The following ILRUN variants were observed in gnomAD, a reference collection of about 807,000 sequenced individuals.
ILRUN encodes inflammation and lipid regulator with UBA-like and NBR1-like domains.
Under a neutral mutation model 33.8 loss-of-function variants are expected in ILRUN, and 3 were observed. The ratio of observed to expected loss-of-function variants is 0.09; its 90% CI spans 0.04 to 0.23. The LOEUF (loss-of-function observed/expected upper bound fraction) is 0.23, where lower values mean the gene tolerates loss of function less well. Among genes scored for constraint, ILRUN ranks in the 10% least tolerant of loss-of-function variants. The probability of loss-of-function intolerance (pLI) is 1.00; values close to 1 mark genes in which losing one functional copy is unlikely to be tolerated. For missense variants in ILRUN, 210 were observed against 375.1 expected (o/e 0.56, Z 3.64); for synonymous variants, 124 against 138.9 (o/e 0.89, Z 0.75).
At chr6:34,676,542 A>C (rs1479850836) in intron 1 of ILRUN, among the ~76,000 whole-genome samples, 1 of 151,796 alleles carries the variant, frequency 6.6e-6, no homozygotes, top group Non-Finnish European at 1.5e-5. Context: ...TCACTTTGTC[A>C]CCTAGGCTCC....
intron 3 of ILRUN, among the ~76,000 whole-genome samples, chr6:34,628,174 C>T (rs946302026): frequency 6.6e-6 from 1 of 152,062 alleles, no homozygotes; most frequent in East Asian, 1.9e-4. Context: ...GCACACACCA[C>T]TGTGCCCCGC....
chr6:34,634,739 A>C (rs2127351101), intron 3 of ILRUN, among the ~76,000 whole-genome samples: 1 of 152,348 alleles, frequency 6.6e-6, no homozygotes, highest in South Asian at 2.1e-4. Context: ...TCAAGATGAA[A>C]TAGATTACCT....
chr6:34,608,538 T>C (rs1005143863), intron 3 of ILRUN, among the ~76,000 whole-genome samples: 4 of 152,188 alleles, frequency 2.6e-5, no homozygotes, highest in African/African-American at 9.7e-5. Flanking sequence ...AATGTGGACA[T>C]TACTAAATAC....
intron 2 of ILRUN, among the ~76,000 whole-genome samples, chr6:34,651,627 C>A (rs931956293): frequency 5.3e-5 from 8 of 151,776 alleles, no homozygotes; most frequent in Non-Finnish European, 1.5e-5. Context: ...GAAAGCCAGG[C>A]CATTTTCATT....
intron 3 of ILRUN, chr6:34,616,757 T>C: frequency 1.4e-6 from 1 of 707,536 alleles, no homozygotes; most frequent in Non-Finnish European, 2.5e-6. Context: ...TAGCAACTTC[T>C]ATGTACCTGC....
At chr6:34,652,196 T>A (rs1762684912) in intron 2 of ILRUN, among the ~76,000 whole-genome samples, 1 of 152,164 alleles carries the variant, frequency 6.6e-6, no homozygotes, top group Non-Finnish European at 1.5e-5. Context: ...GATATTTTTT[T>A]AAAAGCAGGC....
chr6:34,636,557 T>C (rs1307760098), intron 3 of ILRUN, among the ~76,000 whole-genome samples: 1 of 152,172 alleles, frequency 6.6e-6, no homozygotes, highest in Non-Finnish European at 1.5e-5. Context: ...TAGGAGATTA[T>C]CCTCTTCAAA....
chr6:34,600,526 T>G (rs1187063591), intron 4 of ILRUN, among the ~76,000 whole-genome samples: 2 of 152,188 alleles, frequency 1.3e-5, no homozygotes, highest in African/African-American at 4.8e-5. Context: ...CCCCAGAGAC[T>G]GTATCTTGTG....
chr6:34,651,403 T>C (rs1762665259), intron 2 of ILRUN, among the ~76,000 whole-genome samples: 2 of 152,012 alleles, frequency 1.3e-5, no homozygotes, highest in African/African-American at 4.8e-5. Flanking sequence ...TAAGTCAACA[T>C]GAAAGGTAGG....
chr6:34,643,737 C>G (rs552901315), intron 3 of ILRUN, among the ~76,000 whole-genome samples: 1 of 152,354 alleles, frequency 6.6e-6, no homozygotes, highest in African/African-American at 2.4e-5. Flanking sequence ...AGCCTTCACT[C>G]TGTTGCCCAG....
chr6:34,653,742 G>GT (rs1231737603), intron 2 of ILRUN, among the ~76,000 whole-genome samples: 4 of 151,990 alleles, frequency 2.6e-5, no homozygotes, highest in Non-Finnish European at 4.4e-5. Flanking sequence ...AGCTATCCAA[G>GT]TGAGAGGATA....
chr6:34,596,630 A>G (rs901355772), intron 4 of ILRUN, among the ~76,000 whole-genome samples: 7 of 152,204 alleles, frequency 4.6e-5, no homozygotes, highest in Admixed American at 3.3e-4. Flanking sequence ...AGTCTCTTTC[A>G]TGTGACAGTT....
chr6:34,663,233 G>A (rs149257835), intron 1 of ILRUN, among the ~76,000 whole-genome samples: 148 of 152,262 alleles, frequency 9.7e-4, no homozygotes, highest in Non-Finnish European at 1.7e-3. Context: ...ACCAGCCTGC[G>A]AAACAAAGTG....
intron 2 of ILRUN, among the ~76,000 whole-genome samples, chr6:34,650,823 G>A (rs1016180120): frequency 6.6e-6 from 1 of 152,094 alleles, no homozygotes; most frequent in African/African-American, 2.4e-5. Flanking sequence ...AACTATATGC[G>A]ATTCCTATCA....
In ILRUN at chr6:34,592,815, C is replaced by T. The variant is rs1171680073; in HGVS notation, c.862-2215G>A. Among the ~76,000 whole-genome samples the T allele has an allele frequency of 6.6e-6, 1 of 152,082 alleles. No individual in the cohort carries two copies. The highest frequency in any genetic ancestry group is 1.5e-5 in the Non-Finnish European group (1 of 68,034). Reference sequence around the variant, plus strand: ...AAGGAAAGCAACAAAAACTTTAATTCCCTTAAGGTTTAGAACCAATACAAT... The same window carrying T: ...AAGGAAAGCAACAAAAACTTTAATTTCCTTAAGGTTTAGAACCAATACAAT... On this transcript the variant is annotated intron_variant, in intron 4 of 4. Transcript: ENST00000374023. The surrounding 1 kb of genome is among the most constrained non-coding windows in gnomAD (Gnocchi z 4.0).
chr6:34,628,930 T>C lies in ILRUN; in HGVS notation c.511+17671A>G, dbSNP rs150629607. ...AAGAGTTCAAGACCAGCCTGGACAA[T>C]ATGGCGGAATGCTGTCTCTACCAAA... is the stretch of plus-strand genomic sequence containing the variant. On this transcript the variant is annotated intron_variant, in intron 3 of 4. Coordinates refer to ENST00000374023, the MANE Select transcript of ILRUN (RefSeq NM_024294.4). Among the ~76,000 whole-genome samples the C allele has an allele frequency of 2.0e-5, 3 of 152,012 alleles. No homozygotes were observed. In the East Asian group the frequency reaches 5.9e-4, roughly 30 times the overall value.
chr6:34,619,842 G>A (rs1009896243), intron 3 of ILRUN, among the ~76,000 whole-genome samples: 1 of 151,916 alleles, frequency 6.6e-6, no homozygotes, highest in Non-Finnish European at 1.5e-5. Flanking sequence ...AAAATTAGTC[G>A]AGCATGGTGG....
Position 34,591,335 on chromosome 6 carries a change from T to C in ILRUN, c.862-735A>G, listed in dbSNP as rs188254526. On this transcript the variant is annotated intron_variant, in intron 4 of 4. Transcript: ENST00000374023. The stretch of plus-strand genomic sequence containing the variant: ...GTCAGAACCCACCCCTATAAAAATT[T>C]TTTTAAAAAATTAGCCAGGCATGGT... Among the ~76,000 whole-genome samples the C allele has an allele frequency of 2.4e-3, 364 of 152,122 alleles. 2 individuals are homozygous for C. The highest frequency in any genetic ancestry group is 8.4e-3 in the African/African-American group (347 of 41,508).
intron 1 of ILRUN, among the ~76,000 whole-genome samples, chr6:34,665,661 T>C (rs766080301): frequency 2.0e-5 from 3 of 152,078 alleles, no homozygotes; most frequent in Non-Finnish European, 4.4e-5. Flanking sequence ...ACTCCTGGCC[T>C]CAAGCAATCC....
Sources: allele counts gnomAD v4.1 joint callset (sites outside exome capture counted in the v4.1 genomes callset), GRCh38; gene constraint gnomAD v4.1.1; non-coding constraint Gnocchi (gnomAD v3.1); transcripts MANE v1.5; gene names NCBI Gene and HGNC (gene_info 2026-07-23, HGNC 2026-07-21).